CEP85L: variants seen among roughly 807,000 people sequenced by gnomAD.
CEP85L encodes the protein centrosomal protein of 85 kDa-like.
A neutral mutation model predicts 100.3 loss-of-function variants in CEP85L; 60 were observed. The observed-to-expected ratio is 0.60, with a 90% CI of 0.49 to 0.74. The LOEUF (loss-of-function observed/expected upper bound fraction) is 0.74, where lower values mean the gene tolerates loss of function less well. Ranked by LOEUF, CEP85L falls within the 30% of genes least tolerant of loss-of-function variation. The pLI, the probability that CEP85L is intolerant of heterozygous loss-of-function variation, is 0.00. For missense variants in CEP85L, 973 were observed against 936.2 expected, an observed-to-expected ratio of 1.04 and a Z score of -0.51; for synonymous variants, 319 against 322.7, an observed-to-expected ratio of 0.99 and a Z score of 0.12.
At chr6:118,661,846 A>G (rs1029139040) in intron 1 of CEP85L, among the ~76,000 whole-genome samples, 2 of 152,250 alleles carry the variant, frequency 1.3e-5, no homozygotes, top group Non-Finnish European at 2.9e-5. Flanking sequence ...GTGTTAAAGA[A>G]TAGCACTAAA....
rs1779047638 is a variant in CEP85L, at chr6:118,558,702, A to G, written c.1020+6827T>C. 2.3e-5 allele frequency: 13 copies of G among 573,934 alleles called. No homozygotes were observed. The South Asian group carries it at 2.6e-4, about 11-fold the overall frequency. The allele number at this position is 573,934 out of a possible 1,614,324, so 35.6% of individuals were successfully genotyped here. A position where few individuals can be genotyped will look rare whatever the true frequency, so the allele number is the denominator to read the frequency against. On this transcript the variant is annotated intron_variant, in intron 3 of 12. Coordinates refer to ENST00000368491, the MANE Select transcript of CEP85L (RefSeq NM_001042475.3). ...AGAGAGAGAGAGGGAGAGAGACTAT[A>G]GAAACATGATGTTATAAATAACAAT...
At chr6:118,619,088 G>A (rs1171127687) in intron 2 of CEP85L, among the ~76,000 whole-genome samples, 1 of 152,142 alleles carries the variant, frequency 6.6e-6, no homozygotes, top group African/African-American at 2.4e-5. Flanking sequence ...TGGACCCTTG[G>A]GGGATGCCCT....
At chr6:118,474,393 T>TTC (rs1227508147) in intron 10 of CEP85L, among the ~76,000 whole-genome samples, 2 of 152,206 alleles carry the variant, frequency 1.3e-5, no homozygotes, top group Admixed American at 1.3e-4. Flanking sequence ...AGTTAGACAG[T>TTC]TCTCTTTCCA....
chr6:118,535,992 C>A (rs1023596492), intron 3 of CEP85L, among the ~76,000 whole-genome samples: 2 of 151,970 alleles, frequency 1.3e-5, no homozygotes, highest in Non-Finnish European at 2.9e-5. Flanking sequence ...CTTCAATTAT[C>A]ATATTAAAAT....
In CEP85L at chr6:118,567,227, GTGTGTGTGTGTGTGTGTGTGTGTATATA is replaced by G. The variant is rs1309015114; in HGVS notation, c.233-939_233-912del. Among the ~76,000 whole-genome samples the G allele has an allele frequency of 2.7e-4, 21 of 77,460 alleles. 1 individual carries two copies. The highest frequency in any genetic ancestry group is 1.0e-3 in the African/African-American group (20 of 19,612). The allele number at this position is 77,460 out of a possible 152,430, so 50.8% of individuals were successfully genotyped here. Reference sequence around the variant, plus strand: ...TATATGTATGTGTGTGTGTGTGTGTGTGTGTGTGTGTGTGTGTGTGTGTATATATATATATATATATATATATATATAT... The same window carrying G: ...TATATGTATGTGTGTGTGTGTGTGTGTATATATATATATATATATATATAT... On this transcript the variant is annotated intron_variant, in intron 2 of 12. Coordinates refer to ENST00000368491, the MANE Select transcript of CEP85L (RefSeq NM_001042475.3).
upstream of CEP85L, among the ~76,000 whole-genome samples, chr6:118,653,296 G>C (rs1316995632): frequency 6.6e-6 from 1 of 152,176 alleles, no homozygotes; most frequent in South Asian, 2.1e-4. Flanking sequence ...TTGCTCTTTT[G>C]GCACTTGGCA....
At chr6:118,467,017 G>C (rs1772574879) in intron 12 of CEP85L, among the ~76,000 whole-genome samples, 1 of 152,122 alleles carries the variant, frequency 6.6e-6, no homozygotes, top group Non-Finnish European at 1.5e-5. Flanking sequence ...AAAAAGCAGA[G>C]TGGAGAATAA....
At position 118,491,434 on chromosome 6, in the gene CEP85L, G is replaced by A. The variant is rs1774565318; in HGVS notation, c.1437+252C>T. 15 of 1,174,284 alleles carry A rather than the reference G, an allele frequency of 1.3e-5. No homozygotes were observed. The South Asian group carries it at 4.4e-4, about 34-fold the overall frequency. The allele number at this position is 1,174,284 out of a possible 1,614,324, so 72.7% of individuals were successfully genotyped here. A position where few individuals can be genotyped will look rare whatever the true frequency, so the allele number is the denominator to read the frequency against. ...ATAAGGAAAAGGAGAACAGTTATTT[G>A]GTGTAGGCAATTAATTTTTTAAAGA... On this transcript the variant is annotated intron_variant, in intron 6 of 12. Coordinates refer to ENST00000368491, the MANE Select transcript of CEP85L (RefSeq NM_001042475.3).
At chr6:118,499,785 A>G (rs1169538359) in intron 5 of CEP85L, among the ~76,000 whole-genome samples, 1 of 152,242 alleles carries the variant, frequency 6.6e-6, no homozygotes, top group East Asian at 1.9e-4. Context: ...TTATATTTAT[A>G]GTGGTGAGAA....
intron 2 of CEP85L, among the ~76,000 whole-genome samples, chr6:118,569,474 CA>C (rs1353419169): frequency 6.8e-6 from 1 of 147,450 alleles, no homozygotes; most frequent in South Asian, 2.1e-4. Context: ...AATATATATT[CA>C]AAAAAATAAA....
chr6:118,647,385 G>C (rs1054155387), intron 1 of CEP85L, among the ~76,000 whole-genome samples: 1 of 152,206 alleles, frequency 6.6e-6, no homozygotes, highest in Admixed American at 6.5e-5. Flanking sequence ...TAAAGAGACA[G>C]AGCCTCACTC....
intron 3 of CEP85L, among the ~76,000 whole-genome samples, chr6:118,561,834 G>A (rs1197347212): frequency 2.0e-5 from 3 of 151,872 alleles, no homozygotes; most frequent in Non-Finnish European, 2.9e-5. Flanking sequence ...AAATCAAGAC[G>A]CCCAAGTCCA....
chr6:118,607,953 G>C (rs1772344937), intron 2 of CEP85L, among the ~76,000 whole-genome samples: 1 of 152,082 alleles, frequency 6.6e-6, no homozygotes, highest in African/African-American at 2.4e-5. Context: ...CCCCAAGAGA[G>C]GGTTCCTGTA....
At chr6:118,651,069 C>G in intron 1 of CEP85L, 128 bp downstream of exon 1, 2 of 1,330,956 alleles carry the variant, frequency 1.5e-6, no homozygotes, top group Non-Finnish European at 1.9e-6. Flanking sequence ...ACACTGGGCA[C>G]GCGGCGGCGT....
intron 2 of CEP85L, among the ~76,000 whole-genome samples, chr6:118,579,858 G>A (rs907112133): frequency 3.2e-4 from 49 of 152,298 alleles, no homozygotes; most frequent in African/African-American, 1.1e-3. Context: ...GCTTTGATAT[G>A]CAAATGCCAG....
At chr6:118,563,251 T>C (rs1209255633) in intron 3 of CEP85L, among the ~76,000 whole-genome samples, 1 of 152,126 alleles carries the variant, frequency 6.6e-6, no homozygotes, top group East Asian at 1.9e-4. Context: ...CAGAAAACCA[T>C]GGAAATCAAG....
At chr6:118,529,152 T>G (rs1427575376) in intron 3 of CEP85L, among the ~76,000 whole-genome samples, 1 of 152,210 alleles carries the variant, frequency 6.6e-6, no homozygotes, top group Non-Finnish European at 1.5e-5. Flanking sequence ...TCCTCACATT[T>G]CCACATTACA....
At chr6:118,692,268 T>C (rs772873604) in intron 1 of CEP85L, among the ~76,000 whole-genome samples, 5 of 152,208 alleles carry the variant, frequency 3.3e-5, no homozygotes, top group Non-Finnish European at 5.9e-5. Flanking sequence ...GTCCTACTCA[T>C]AGTACTTGTT....
At chr6:118,578,683 C>T (rs917386280) in intron 2 of CEP85L, among the ~76,000 whole-genome samples, 8 of 152,040 alleles carry the variant, frequency 5.3e-5, no homozygotes, top group East Asian at 1.9e-4. Flanking sequence ...GAGCCGAGAC[C>T]GCGCCACTGC....
Sources: allele counts gnomAD v4.1 joint callset (sites outside exome capture counted in the v4.1 genomes callset), GRCh38; gene constraint gnomAD v4.1.1; transcripts MANE v1.5; gene names NCBI Gene and HGNC (gene_info 2026-07-23, HGNC 2026-07-21).